The following AP3B1 variants were observed in gnomAD, a reference collection of about 807,000 sequenced individuals.
The protein encoded by AP3B1 is AP-3 complex subunit beta-1.
Under a neutral mutation model 132.5 loss-of-function variants are expected in AP3B1, and 61 were observed. The observed-to-expected ratio is 0.46, with a 90% CI of 0.37 to 0.57. The LOEUF is 0.57. AP3B1 is among the 20% of genes least tolerant of loss of function. The pLI is 0.00. For missense variants in AP3B1, 1,120 were observed against 1,289.4 expected, an observed-to-expected ratio of 0.87 and a Z score of 2.01; for synonymous variants, 388 against 438.3, an observed-to-expected ratio of 0.89 and a Z score of 1.43.
At chr5:78,240,736 A>C (rs1747094059) in intron 3 of AP3B1, 126 bp downstream of exon 3, 2 of 693,976 alleles carry the variant, frequency 2.9e-6, no homozygotes, top group Admixed American at 4.7e-5. Context: ...TTTAAAATTA[A>C]GGACATTTTA....
At chr5:78,060,923 G>A (rs1039212913) in intron 22 of AP3B1, among the ~76,000 whole-genome samples, 14 of 152,056 alleles carry the variant, frequency 9.2e-5, no homozygotes, top group Admixed American at 9.2e-4. Flanking sequence ...TTTCTTGGAG[G>A]ACTAAGAAGA....
chr5:78,243,706 A>G (rs1315792534), intron 2 of AP3B1, among the ~76,000 whole-genome samples: 1 of 152,322 alleles, frequency 6.6e-6, no homozygotes, highest in East Asian at 1.9e-4. Flanking sequence ...GAAGAGAGGA[A>G]GGGACCCATG....
chr5:78,250,271 C>T (rs1374087100), intron 2 of AP3B1, among the ~76,000 whole-genome samples: 2 of 152,028 alleles, frequency 1.3e-5, no homozygotes, highest in Non-Finnish European at 2.9e-5. Flanking sequence ...ATCTTAGTAC[C>T]TATTCCCAAA....
At chr5:78,010,449 CAT>C (rs1390177474) in intron 26 of AP3B1, among the ~76,000 whole-genome samples, 3 of 152,138 alleles carry the variant, frequency 2.0e-5, no homozygotes, top group East Asian at 1.9e-4. Context: ...CAAACTCACA[CAT>C]GATTTTTTTG....
chr5:78,101,053 CA>C, intron 20 of AP3B1, 28 bp from the exon 21 acceptor site: 1 of 1,342,020 alleles, frequency 7.5e-7, no homozygotes, highest in Middle Eastern at 1.8e-4. Flanking sequence ...TTTCATTTAT[CA>C]CACGTTCTGT....
chr5:78,171,507 G>A (rs1435767087), intron 11 of AP3B1, among the ~76,000 whole-genome samples: 1 of 152,078 alleles, frequency 6.6e-6, no homozygotes, highest in South Asian at 2.1e-4. Flanking sequence ...ATTGTGAATG[G>A]GAGTTCACTC....
At chr5:78,229,364 G>A (rs542564716) in intron 3 of AP3B1, among the ~76,000 whole-genome samples, 1 of 152,230 alleles carries the variant, frequency 6.6e-6, no homozygotes, top group South Asian at 2.1e-4. Flanking sequence ...ACTATTTATA[G>A]CCTGTATCTA....
intron 2 of AP3B1, among the ~76,000 whole-genome samples, chr5:78,258,302 AC>A (rs748849857): frequency 4.6e-5 from 7 of 152,224 alleles, no homozygotes; most frequent in African/African-American, 7.2e-5. Context: ...AGGAACTCAA[AC>A]AATTCTATAG....
rs6453373 is a variant in AP3B1 at position 78,129,204 on chromosome 5, A to T, written c.1754T>A (p.Val585Glu). 1,461,322 of 1,613,158 alleles carry T rather than the reference A, an allele frequency of 0.91. 668,093 individuals are homozygous for T. The highest frequency in any genetic ancestry group is 0.95 in the African/African-American group (71,602 of 74,992). ...ATATTTACTTAAAGCTCCACTCTTTACATTCGGAACAATAAGCTGCCTAAT... is the reference window on the plus strand; with the variant it reads ...ATATTTACTTAAAGCTCCACTCTTTTCATTCGGAACAATAAGCTGCCTAAT... ...RFIRQLIVPN[V>E]KSGALSKYAK... The change falls in exon 16 of 27, where the codon GTA becomes GAA. Residue 585 changes from valine (V) to glutamate (E), a missense_variant. Val to Glu is a moderately radical substitution (Grantham distance 121). Around this residue, in one of 3 missense-constraint regions of AP3B1, gnomAD observed 906 missense variants for 997.1 expected, o/e 0.91. Transcript: ENST00000255194.
chr5:78,029,269 T>G (rs1171310302), intron 24 of AP3B1, among the ~76,000 whole-genome samples: 7 of 152,206 alleles, frequency 4.6e-5, no homozygotes, highest in African/African-American at 1.7e-4. Context: ...GTTTAATGGT[T>G]TGTAACAATT....
rs552209636 is a variant in AP3B1 at position 78,163,459 on chromosome 5, T to TA, written c.1231-509dup. On this transcript the variant is annotated intron_variant, in intron 12 of 26. Coordinates refer to ENST00000255194, the MANE Select transcript of AP3B1 (RefSeq NM_003664.5). ...ACAATGGTTGTAAAAGAATAATAGT[T>TA]ACGGTGAACAGTATTTCAATAAATA... is the stretch of plus-strand genomic sequence containing the variant. Among the ~76,000 whole-genome samples, 19 of 152,180 alleles carry TA rather than the reference T, an allele frequency of 1.2e-4. No homozygotes were observed. The South Asian group carries it at 3.9e-3, about 32-fold the overall frequency.
intron 3 of AP3B1, among the ~76,000 whole-genome samples, chr5:78,240,120 C>CA (rs1747062435): frequency 6.6e-6 from 1 of 152,208 alleles, no homozygotes; most frequent in African/African-American, 2.4e-5. Flanking sequence ...GTCACCATAA[C>CA]CATGTTCCCT....
intron 15 of AP3B1, among the ~76,000 whole-genome samples, chr5:78,134,648 C>G (rs1275908674): frequency 6.6e-6 from 1 of 152,202 alleles, no homozygotes; most frequent in Non-Finnish European, 1.5e-5. Context: ...TCAAGTGATT[C>G]TCCTGCCTCA....
intron 22 of AP3B1, among the ~76,000 whole-genome samples, chr5:78,051,919 G>A (rs963819853): frequency 2.6e-5 from 4 of 152,026 alleles, no homozygotes; most frequent in Non-Finnish European, 5.9e-5. Context: ...TCACAGTATT[G>A]TCTCATTTAT....
chr5:78,126,504 C>CAAAAA (rs70997969), intron 17 of AP3B1, among the ~76,000 whole-genome samples: 7 of 62,380 alleles, frequency 1.1e-4, no homozygotes, highest in African/African-American at 4.7e-4. Context: ...GACTCTGTCT[C>CAAAAA]AAAAAAAAAA....
At chr5:78,066,652 GA>G (rs1401500254) in intron 22 of AP3B1, among the ~76,000 whole-genome samples, 3 of 152,128 alleles carry the variant, frequency 2.0e-5, no homozygotes, top group African/African-American at 7.2e-5. Flanking sequence ...AAACCTCCAA[GA>G]ATTATGGGAT....
chr5:78,061,461 T>C (rs1749051621), intron 22 of AP3B1, among the ~76,000 whole-genome samples: 1 of 152,150 alleles, frequency 6.6e-6, no homozygotes, highest in African/African-American at 2.4e-5. Context: ...ACGACACACA[T>C]TAAGTATGGC....
chr5:78,238,642 A>G (rs1746984342), intron 3 of AP3B1, among the ~76,000 whole-genome samples: 1 of 152,172 alleles, frequency 6.6e-6, no homozygotes, highest in South Asian at 2.1e-4. Context: ...GTAAAAATAC[A>G]GTATTATAAT....
At chr5:78,097,906 G>A (rs1750945790) in intron 21 of AP3B1, among the ~76,000 whole-genome samples, 1 of 152,206 alleles carries the variant, frequency 6.6e-6, no homozygotes, top group Non-Finnish European at 1.5e-5. Context: ...AGGTAGACAT[G>A]GGAGACTTTT....
Sources: gnomAD v4.1 joint callset for allele counts (sites outside exome capture counted in the v4.1 genomes callset) on GRCh38, gnomAD v4.1.1 for gene constraint, gnomAD v4.1.1 regional missense constraint, MANE v1.5 for transcripts, NCBI Gene and HGNC (gene_info 2026-07-23, HGNC 2026-07-21) for gene names.